The following ASAP2 variants were observed in gnomAD, a reference collection of about 807,000 sequenced individuals.
ASAP2 encodes arf-GAP with SH3 domain, ANK repeat and PH domain-containing protein 2.
In ASAP2, 45 loss-of-function variants were observed where a neutral mutation model predicts 131.4. The ratio of observed to expected loss-of-function variants is 0.34; its 90% CI spans 0.27 to 0.44. The LOEUF is 0.44. Ranked by LOEUF, ASAP2 falls within the 20% of genes least tolerant of loss-of-function variation. ASAP2 has a pLI of 1.00. For missense variants in ASAP2, 1,011 were observed against 1,297.0 expected, an observed-to-expected ratio of 0.78 and a Z score of 3.39; for synonymous variants, 510 against 503.0, an observed-to-expected ratio of 1.01 and a Z score of -0.19.
intron 9 of ASAP2, among the ~76,000 whole-genome samples, chr2:9,337,217 C>T (rs1671264523): frequency 6.6e-6 from 1 of 152,242 alleles, no homozygotes; most frequent in African/African-American, 2.4e-5. Flanking sequence ...CAAGACCTAA[C>T]TCAACAGTCT....
chr2:9,323,366 G>A, intron 6 of ASAP2, 116 bp downstream of exon 6: 1 of 1,441,914 alleles, frequency 6.9e-7, no homozygotes, highest in Non-Finnish European at 9.4e-7. Flanking sequence ...TGCATTGCTG[G>A]ACTCCCTTTG....
At chr2:9,356,929 A>G (rs953078911) in intron 14 of ASAP2, among the ~76,000 whole-genome samples, 13 of 152,112 alleles carry the variant, frequency 8.5e-5, no homozygotes, top group African/African-American at 3.1e-4. Flanking sequence ...GATTTAAGGA[A>G]TTTGCTTATT....
At chr2:9,332,093 T>A (rs1415969867) in intron 7 of ASAP2, among the ~76,000 whole-genome samples, 1 of 152,080 alleles carries the variant, frequency 6.6e-6, no homozygotes, top group Non-Finnish European at 1.5e-5. Flanking sequence ...TAAGTGGGTG[T>A]ATTTTAAAGG....
intron 11 of ASAP2, 59 bp downstream of exon 11, chr2:9,344,859 G>T: frequency 6.7e-7 from 1 of 1,486,254 alleles, no homozygotes; most frequent in Non-Finnish European, 9.4e-7. Context: ...GGTGTTGGAG[G>T]ACTTTCTGAA....
At chr2:9,275,131 A>C (rs765032137) in intron 1 of ASAP2, among the ~76,000 whole-genome samples, 12 of 147,782 alleles carry the variant, frequency 8.1e-5, no homozygotes, top group Non-Finnish European at 1.6e-4. Context: ...CCCAGGCTAT[A>C]GGGCAGTGGC....
chr2:9,320,448 ATGTT>A (rs1326778839), intron 5 of ASAP2, 111 bp downstream of exon 5: 1 of 784,130 alleles, frequency 1.3e-6, no homozygotes, highest in African/African-American at 1.8e-5. Context: ...CCAGAAAAGA[ATGTT>A]TATCAGCCAT....
rs759662012 is a variant in ASAP2, at chr2:9,358,834, A to G, written c.1406A>G (p.His469Arg). The change falls in exon 15 of 28, where the codon CAT (histidine) becomes CGT (arginine). Residue 469 changes from histidine to arginine, a missense_variant. Transcript: ENST00000281419. ...GGAATCCACCGAGAGCTGGGGGTTC[A>G]TTATTCCAGGATGCAGTCCCTGACC... ...CSGIHRELGV[H>R]YSRMQSLTLD... is the part of the protein sequence containing the mutation. The G allele has an allele frequency of 6.8e-6, 11 of 1,613,280 alleles. No homozygotes were observed. The highest frequency in any genetic ancestry group is 9.3e-6 in the Non-Finnish European group (11 of 1,179,802).
chr2:9,334,957 T>C (rs1002596302), intron 8 of ASAP2, 136 bp from the exon 9 acceptor site: 6 of 1,325,072 alleles, frequency 4.5e-6, no homozygotes, highest in East Asian at 4.7e-5. Flanking sequence ...TCCTCTGTCT[T>C]GGTGGGAGGG....
chr2:9,368,942 A>C (rs912892079), intron 16 of ASAP2, among the ~76,000 whole-genome samples: 6 of 151,722 alleles, frequency 4.0e-5, no homozygotes, highest in African/African-American at 7.3e-5. Context: ...GCCTCCTTGC[A>C]AATGTGGAAT....
chr2:9,380,158 T>C (rs546058160), intron 19 of ASAP2, among the ~76,000 whole-genome samples: 1 of 152,258 alleles, frequency 6.6e-6, no homozygotes, highest in South Asian at 2.1e-4. Flanking sequence ...GGATGTGGAT[T>C]TTAATTAGGT....
intron 1 of ASAP2, among the ~76,000 whole-genome samples, chr2:9,253,551 G>A (rs1283013953): frequency 2.0e-5 from 3 of 152,128 alleles, no homozygotes; most frequent in South Asian, 2.1e-4. Context: ...GTGCCGTCAC[G>A]CAGAACTCCC....
At chr2:9,320,426 A>G (rs1670080848) in intron 5 of ASAP2, 89 bp downstream of exon 5, 4 of 958,860 alleles carry the variant, frequency 4.2e-6, no homozygotes, top group Non-Finnish European at 6.5e-6. Context: ...GATTGTCCAA[A>G]TAAACCTTAA....
rs567258262 is a variant in ASAP2 at position 9,207,489 on chromosome 2, C to T, written c.126+259C>T. 1.3e-3 allele frequency among the ~76,000 whole-genome samples: 196 copies of T among 152,114 alleles called. No individual in the cohort carries two copies. The highest frequency in any genetic ancestry group is 4.5e-3 in the African/African-American group (185 of 41,520). On this transcript the variant is annotated intron_variant, in intron 1 of 27. Coordinates refer to ENST00000281419, the MANE Select transcript of ASAP2 (RefSeq NM_003887.3). This position sits in a 1 kb window ranked among gnomAD's most constrained non-coding sequence, Gnocchi z 4.1. ...CGGGGTTCCGCGGCCTGGTCTTTTCCCCGCAGCGCGGCCAACTTTGTCCAG... is the reference window on the plus strand; with the variant it reads ...CGGGGTTCCGCGGCCTGGTCTTTTCTCCGCAGCGCGGCCAACTTTGTCCAG...
chr2:9,248,620 G>T (rs149443820), intron 1 of ASAP2, among the ~76,000 whole-genome samples: 2 of 152,076 alleles, frequency 1.3e-5, no homozygotes, highest in Non-Finnish European at 2.9e-5. Context: ...TAGGCAAGAC[G>T]CTGACGGTGA....
chr2:9,269,887 T>C (rs1666219740), intron 1 of ASAP2, among the ~76,000 whole-genome samples: 1 of 152,120 alleles, frequency 6.6e-6, no homozygotes, highest in African/African-American at 2.4e-5. Flanking sequence ...GTGTGCACCG[T>C]CCCCACTGTC....
At chr2:9,352,120 C>T (rs1275279408) in intron 12 of ASAP2, among the ~76,000 whole-genome samples, 6 of 151,990 alleles carry the variant, frequency 3.9e-5, no homozygotes, top group Middle Eastern at 3.2e-3. Context: ...CCCAGCTACT[C>T]GGGAGGCTGA....
intron 1 of ASAP2, among the ~76,000 whole-genome samples, chr2:9,249,084 G>A (rs1002446760): frequency 6.6e-6 from 1 of 152,224 alleles, no homozygotes; most frequent in African/African-American, 2.4e-5. Context: ...GCTGGGCTGG[G>A]CATGTAGGGG....
chr2:9,342,388 AG>A (rs1671648169), intron 9 of ASAP2, among the ~76,000 whole-genome samples: 1 of 152,246 alleles, frequency 6.6e-6, no homozygotes, highest in Non-Finnish European at 1.5e-5. Context: ...ATTTTTAACA[AG>A]GGTGCCAAGG....
chr2:9,209,253 G>A (rs534111575), intron 1 of ASAP2, among the ~76,000 whole-genome samples: 181 of 152,272 alleles, frequency 1.2e-3, no homozygotes, highest in African/African-American at 4.1e-3. Context: ...CTATGATGAT[G>A]GTATGTGTGA....
Sources: allele counts gnomAD v4.1 joint callset (sites outside exome capture counted in the v4.1 genomes callset), GRCh38; gene constraint gnomAD v4.1.1; non-coding constraint Gnocchi (gnomAD v3.1); transcripts MANE v1.5; gene names NCBI Gene and HGNC (gene_info 2026-07-23, HGNC 2026-07-21).